GLRB: variants seen among roughly 807,000 people sequenced by gnomAD.
GLRB encodes glycine receptor subunit beta.
A neutral mutation model predicts 54.2 loss-of-function variants in GLRB; 33 were observed. The observed-to-expected ratio is 0.61, with a 90% CI of 0.46 to 0.81. The LOEUF (loss-of-function observed/expected upper bound fraction) is 0.81, where lower values mean the gene tolerates loss of function less well. Among genes scored for constraint, GLRB ranks in the 40% least tolerant of loss-of-function variants. The pLI is 0.00. For missense variants in GLRB, 572 were observed against 584.6 expected (o/e 0.98, Z 0.22); for synonymous variants, 209 against 208.2 (o/e 1.00, Z -0.03).
intron 7 of GLRB, among the ~76,000 whole-genome samples, chr4:157,139,556 CACT>C (rs1240392781): frequency 6.6e-6 from 1 of 152,008 alleles, no homozygotes; most frequent in Non-Finnish European, 1.5e-5. Context: ...GTACAGTACT[CACT>C]ACTCAATACT....
At chr4:157,108,659 A>T in intron 2 of GLRB, among the ~76,000 whole-genome samples, 1 of 152,138 alleles carries the variant, frequency 6.6e-6, no homozygotes, top group East Asian at 1.9e-4. Flanking sequence ...TCTTCTGGTG[A>T]ATATACTGAG....
At chr4:157,083,131 CTATT>C (rs1734285486) in intron 2 of GLRB, among the ~76,000 whole-genome samples, 1 of 151,736 alleles carries the variant, frequency 6.6e-6, no homozygotes, top group Admixed American at 6.6e-5. Flanking sequence ...CTTTTTAGAA[CTATT>C]TAAAGCAAGG....
intron 2 of GLRB, among the ~76,000 whole-genome samples, chr4:157,086,720 A>G (rs1734426484): frequency 6.6e-6 from 1 of 152,216 alleles, no homozygotes. Context: ...AAAATATAGA[A>G]CTGTCAAAAG....
chr4:157,169,579 G>T (rs1164976592), intron 9 of GLRB, among the ~76,000 whole-genome samples: 2 of 151,994 alleles, frequency 1.3e-5, no homozygotes, highest in Non-Finnish European at 2.9e-5. Flanking sequence ...CATGGATTTT[G>T]TGAACACTGT....
At chr4:157,167,926 G>A (rs1268004697) in intron 9 of GLRB, among the ~76,000 whole-genome samples, 2 of 151,982 alleles carry the variant, frequency 1.3e-5, no homozygotes, top group African/African-American at 2.4e-5. Flanking sequence ...CTTTTTAACA[G>A]TCAATTTTCA....
chr4:157,116,700 G>A (rs552614977), intron 2 of GLRB, among the ~76,000 whole-genome samples: 2 of 151,560 alleles, frequency 1.3e-5, no homozygotes, highest in Admixed American at 6.6e-5. Flanking sequence ...TGTTATTTTA[G>A]TATTGATAAG....
intron 8 of GLRB, among the ~76,000 whole-genome samples, chr4:157,149,573 A>G (rs1736942900): frequency 6.6e-6 from 1 of 152,086 alleles, no homozygotes; most frequent in Non-Finnish European, 1.5e-5. Context: ...TCCTTTTAGT[A>G]TTCTTTAACT....
chr4:157,148,193 C>T (rs1164191422), intron 8 of GLRB, among the ~76,000 whole-genome samples: 1 of 152,094 alleles, frequency 6.6e-6, no homozygotes, highest in Non-Finnish European at 1.5e-5. Context: ...CTCCCTTTTC[C>T]TTTTAATGTT....
chr4:157,168,470 G>A (rs1467825811), intron 9 of GLRB, among the ~76,000 whole-genome samples: 2 of 151,932 alleles, frequency 1.3e-5, no homozygotes, highest in East Asian at 1.9e-4. Context: ...CAAAAATGAG[G>A]TAGTATGATA....
rs190871846 is a variant in GLRB, at chr4:157,098,634, G to A, written c.122+20488G>A. ...TTCTTTTCTTTTTTTTTGAGATGGAGTCTCGCTCTGTCACCCAGGCTGGAG... is the reference window on the plus strand; with the variant it reads ...TTCTTTTCTTTTTTTTTGAGATGGAATCTCGCTCTGTCACCCAGGCTGGAG... On this transcript the variant is annotated intron_variant, in intron 2 of 9. Coordinates refer to ENST00000264428, the MANE Select transcript of GLRB (RefSeq NM_000824.5). Among the ~76,000 whole-genome samples the A allele has an allele frequency of 2.6e-5, 4 of 151,880 alleles. No individual in the cohort carries two copies. In the East Asian group the frequency reaches 7.8e-4, roughly 30 times the overall value.
intron 8 of GLRB, among the ~76,000 whole-genome samples, chr4:157,149,654 A>G (rs2126595678): frequency 1.3e-5 from 2 of 152,172 alleles, no homozygotes; most frequent in South Asian, 4.1e-4. Flanking sequence ...TTTTCATTTT[A>G]TTAACAACAA....
chr4:157,119,916 A>G (rs915020363), intron 2 of GLRB, among the ~76,000 whole-genome samples: 9 of 151,864 alleles, frequency 5.9e-5, no homozygotes, highest in Admixed American at 3.9e-4. Context: ...TCATGCTGCT[A>G]TAAAGACACA....
chr4:157,143,039 A>C (rs1176441945), intron 7 of GLRB, among the ~76,000 whole-genome samples: 8 of 152,074 alleles, frequency 5.3e-5, no homozygotes, highest in Non-Finnish European at 1.2e-4. Context: ...GCTGCCTGTA[A>C]TTGGTGATTA....
intron 2 of GLRB, among the ~76,000 whole-genome samples, chr4:157,099,727 G>C (rs1734947389): frequency 1.3e-5 from 2 of 152,076 alleles, no homozygotes; most frequent in African/African-American, 4.8e-5. Flanking sequence ...TTGTATCATA[G>C]GATATATGTT....
At chr4:157,106,080 G>A (rs1288278195) in intron 2 of GLRB, among the ~76,000 whole-genome samples, 4 of 152,052 alleles carry the variant, frequency 2.6e-5, no homozygotes, top group Non-Finnish European at 5.9e-5. Context: ...GGCATGTCTA[G>A]TGGTGATGAA....
At chr4:157,080,645 G>A (rs1263099281) in intron 2 of GLRB, among the ~76,000 whole-genome samples, 1 of 152,164 alleles carries the variant, frequency 6.6e-6, no homozygotes, top group African/African-American at 2.4e-5. Flanking sequence ...GATCCAGTTT[G>A]CTTAGCCTGT....
intron 2 of GLRB, among the ~76,000 whole-genome samples, chr4:157,082,276 G>C (rs963621055): frequency 5.9e-5 from 9 of 152,056 alleles, no homozygotes; most frequent in Non-Finnish European, 1.2e-4. Flanking sequence ...TGAGGATTTA[G>C]ATAATCACAT....
At chr4:157,116,792 T>C (rs1005458981) in intron 2 of GLRB, among the ~76,000 whole-genome samples, 1 of 151,730 alleles carries the variant, frequency 6.6e-6, no homozygotes, top group South Asian at 2.1e-4. Flanking sequence ...TGGAATTTTA[T>C]TTAAATTTTA....
intron 2 of GLRB, among the ~76,000 whole-genome samples, 175 bp from the exon 3 acceptor site, chr4:157,120,378 TATA>T (rs1735765859): frequency 6.7e-6 from 1 of 149,020 alleles, no homozygotes; most frequent in African/African-American, 2.5e-5. Flanking sequence ...AAACTTAAAA[TATA>T]ATAATAATAA....
Sources: gnomAD v4.1 joint callset for allele counts (sites outside exome capture counted in the v4.1 genomes callset) on GRCh38, gnomAD v4.1.1 for gene constraint, MANE v1.5 for transcripts, NCBI Gene and HGNC (gene_info 2026-07-23, HGNC 2026-07-21) for gene names.